The following PRDM15 variants were observed in gnomAD, a reference collection of about 807,000 sequenced individuals.
PRDM15 encodes the protein PR domain zinc finger protein 15.
A neutral mutation model predicts 128.6 loss-of-function variants in PRDM15; 64 were observed. The observed-to-expected ratio is 0.50, with a 90% CI of 0.41 to 0.61. The LOEUF (loss-of-function observed/expected upper bound fraction) is 0.61, where lower values mean the gene tolerates loss of function less well. Among genes scored for constraint, PRDM15 ranks in the 20% least tolerant of loss-of-function variants. The pLI is 0.00. For missense variants in PRDM15, 1,242 were observed against 1,569.1 expected (o/e 0.79, Z 3.52); for synonymous variants, 615 against 621.8 (o/e 0.99, Z 0.16).
At chr21:41,847,511 T>C (rs993070161) in intron 5 of PRDM15, among the ~76,000 whole-genome samples, 1 of 152,198 alleles carries the variant, frequency 6.6e-6, no homozygotes, top group Non-Finnish European at 1.5e-5. Flanking sequence ...ATCCCTTATA[T>C]GACTTCATGA....
chr21:41,867,547 G>A (rs902468789), intron 1 of PRDM15, among the ~76,000 whole-genome samples: 2 of 152,162 alleles, frequency 1.3e-5, no homozygotes, highest in Non-Finnish European at 2.9e-5. Context: ...GGGCACAAGC[G>A]ACCCTCCTGC....
At chr21:41,845,224 CACACAGCCCCTCCCCCCTCACAGGG>C (rs1167543387) in intron 6 of PRDM15, among the ~76,000 whole-genome samples, 1 of 886 alleles carries the variant, frequency 1.1e-3, no homozygotes, top group Non-Finnish European at 2.6e-3. Context: ...CTCACAGGGA[CACACAGCCCCTCCCCCCTCACAGGG>C]ACACACACAG....
rs964646795 is a variant in PRDM15 at position 41,801,186 on chromosome 21, A to G, written c.*54T>C. 1 of 1,498,826 alleles carries G rather than the reference A, an allele frequency of 6.7e-7. No homozygotes were observed. Among genetic ancestry groups the G allele is most frequent in the African/African-American group, 1.4e-5 (1 of 71,640 alleles). The allele number at this position is 1,498,826 out of a possible 1,614,324, so 92.8% of individuals were successfully genotyped here. A position where few individuals can be genotyped will look rare whatever the true frequency, so the allele number is the denominator to read the frequency against. ...TTTGGTATCCAGCAAACACATCTAA[A>G]CAAATCCCAAACATCCCTCTGCAGT... On this transcript the variant is annotated 3_prime_UTR_variant, in exon 24 of 24. Transcript: ENST00000398548.
intron 11 of PRDM15, among the ~76,000 whole-genome samples, chr21:41,831,346 C>G (rs73359668): frequency 0.022 from 3,341 of 152,332 alleles, 117 homozygotes; most frequent in African/African-American, 0.076. Flanking sequence ...GAGCAGATAC[C>G]GGGCTTCCAC....
intron 6 of PRDM15, among the ~76,000 whole-genome samples, chr21:41,843,627 C>CA (rs904563742): frequency 5.9e-4 from 90 of 152,180 alleles, no homozygotes; most frequent in African/African-American, 2.1e-3. Flanking sequence ...TGTGAGGCTG[C>CA]AGGGGGCCTG....
chr21:41,817,707 T>TA (rs1166088112), intron 18 of PRDM15, among the ~76,000 whole-genome samples: 1,767 of 148,892 alleles, frequency 0.012, 30 homozygotes, highest in African/African-American at 0.04. Context: ...TATTTTCAAG[T>TA]AAAAAAAAAA....
intron 14 of PRDM15, 133 bp from the exon 15 acceptor site, chr21:41,822,170 A>C: frequency 8.1e-7 from 1 of 1,230,260 alleles, no homozygotes; most frequent in Non-Finnish European, 1.1e-6. Context: ...TGGCGCCCTA[A>C]CGAGCTACAC....
rs1267839720 is a variant in PRDM15 at position 41,854,823 on chromosome 21, A to G, written c.286-5T>C. On this transcript the variant is annotated splice_region_variant and splice_polypyrimidine_tract_variant and intron_variant, in intron 4 of 23. Coordinates refer to ENST00000398548, the MANE Select transcript of PRDM15 (RefSeq NM_001040424.3). This position sits in a 1 kb window ranked among gnomAD's most constrained non-coding sequence, Gnocchi z 4.6. Reference sequence around the variant, plus strand: ...GTGCCCGTCCTTCTGGAACACCTGAAGGTGAGTCGGCCCATGGAGAAGCCG... The same window carrying G: ...GTGCCCGTCCTTCTGGAACACCTGAGGGTGAGTCGGCCCATGGAGAAGCCG... 2.5e-6 allele frequency: 4 copies of G among 1,597,006 alleles called. No individual in the cohort carries two copies. The Admixed American group carries it at 6.7e-5, about 27-fold the overall frequency.
In PRDM15 at chr21:41,801,333, G is replaced by A. The variant is rs746395639; in HGVS notation, c.3333C>T (p.Val1111=). 3.1e-6 allele frequency: 5 copies of A among 1,589,480 alleles called. No homozygotes were observed. Among genetic ancestry groups the A allele is most frequent in the Non-Finnish European group, 4.3e-6 (5 of 1,164,842 alleles). The change falls in exon 24 of 24, where the codon GTC becomes GTT. Residue 1111 remains valine (V), a synonymous_variant. Transcript: ENST00000398548. The part of the protein sequence containing the change: ...LTWRAVPQTD[V]LPPSQPQAPP... Reference sequence around the variant, plus strand: ...GTGCCTGCGGCTGCGAGGGTGGCAAGACGTCAGTCTGGGGCACTGCCCGCC... The same window carrying A: ...GTGCCTGCGGCTGCGAGGGTGGCAAAACGTCAGTCTGGGGCACTGCCCGCC...
chr21:41,826,536 A>G (rs2062478813), intron 12 of PRDM15, among the ~76,000 whole-genome samples: 1 of 152,208 alleles, frequency 6.6e-6, no homozygotes, highest in Non-Finnish European at 1.5e-5. Context: ...AGGCTGGTAA[A>G]TACAACCTTT....
intron 13 of PRDM15, among the ~76,000 whole-genome samples, chr21:41,825,430 G>A (rs1048402703): frequency 6.6e-6 from 1 of 152,242 alleles, no homozygotes; most frequent in Admixed American, 6.5e-5. Flanking sequence ...GGATGGATGT[G>A]CTCCCATGGA....
At chr21:41,835,753 C>T (rs9978984) in intron 10 of PRDM15, among the ~76,000 whole-genome samples, 64,785 of 151,930 alleles carry the variant, frequency 0.43, 13,985 homozygotes, top group Non-Finnish European at 0.45. Flanking sequence ...CAAACACCCC[C>T]ATTCTCCTGA....
At chr21:41,839,573 A>G (rs1469689120) in intron 7 of PRDM15, 50 bp downstream of exon 7, 5 of 1,435,240 alleles carry the variant, frequency 3.5e-6, no homozygotes. Flanking sequence ...CTCGGGCGCC[A>G]GGAGGGCTGC....
intron 21 of PRDM15, among the ~76,000 whole-genome samples, chr21:41,804,884 T>C (rs1388310292): frequency 2.0e-5 from 3 of 152,228 alleles, no homozygotes; most frequent in Non-Finnish European, 4.4e-5. Flanking sequence ...GGAGACTATG[T>C]CCTCCCTTTT....
intron 21 of PRDM15, among the ~76,000 whole-genome samples, chr21:41,805,017 T>C (rs1163955578): frequency 6.6e-6 from 1 of 152,228 alleles, no homozygotes; most frequent in Admixed American, 6.5e-5. Context: ...AATGAGACAT[T>C]TGTGCCTTAC....
At chr21:41,857,572 C>A (rs2063675573) in intron 3 of PRDM15, among the ~76,000 whole-genome samples, 1 of 152,112 alleles carries the variant, frequency 6.6e-6, no homozygotes, top group Non-Finnish European at 1.5e-5. Context: ...CCAGCCTGGG[C>A]AATATGGTGA....
chr21:41,826,493 C>T (rs2062477268), intron 12 of PRDM15, among the ~76,000 whole-genome samples: 2 of 152,186 alleles, frequency 1.3e-5, no homozygotes, highest in South Asian at 4.1e-4. Flanking sequence ...TAATATTCAT[C>T]TCTCGCAAAT....
At position 41,850,972 on chromosome 21, in the gene PRDM15, C is replaced by T. The variant is rs547758937; in HGVS notation, c.538+3594G>A. On this transcript the variant is annotated intron_variant, in intron 5 of 23. Coordinates refer to ENST00000398548, the MANE Select transcript of PRDM15 (RefSeq NM_001040424.3). ...TCACTGAGTCTTAGGATCTCTCACG[C>T]TCACCAGGAAAGACTCGGCCACCAC... is the stretch of plus-strand genomic sequence containing the variant. Among the ~76,000 whole-genome samples the T allele has an allele frequency of 1.2e-4, 18 of 152,270 alleles. No individual in the cohort carries two copies. The East Asian group carries it at 3.5e-3, about 29-fold the overall frequency.
At chr21:41,834,002 G>C (rs1204556691) in intron 11 of PRDM15, among the ~76,000 whole-genome samples, 2 of 152,212 alleles carry the variant, frequency 1.3e-5, no homozygotes, top group Non-Finnish European at 2.9e-5. Context: ...TCTGGCCGGG[G>C]CTGCGTTAAG....
Sources: allele counts gnomAD v4.1 joint callset (sites outside exome capture counted in the v4.1 genomes callset), GRCh38; gene constraint gnomAD v4.1.1; non-coding constraint Gnocchi (gnomAD v3.1); transcripts MANE v1.5; gene names NCBI Gene and HGNC (gene_info 2026-07-23, HGNC 2026-07-21).